SHISA9: variants seen among roughly 807,000 people sequenced by gnomAD.
The protein encoded by SHISA9 is shisa family member 9, also known as protein shisa-9.
In SHISA9, 13 loss-of-function variants were observed where a neutral mutation model predicts 38.0. That is an observed-to-expected ratio of 0.34 (90% CI 0.22 to 0.54). SHISA9 has a LOEUF of 0.54. SHISA9 is among the 20% of genes least tolerant of loss of function. SHISA9 has a pLI of 0.91. For missense variants in SHISA9, 538 were observed against 575.8 expected, an observed-to-expected ratio of 0.93 and a Z score of 0.67; for synonymous variants, 275 against 242.0, an observed-to-expected ratio of 1.14 and a Z score of -1.27.
At chr16:13,085,891 A>T (rs1384518964) in intron 2 of SHISA9, among the ~76,000 whole-genome samples, 1 of 152,330 alleles carries the variant, frequency 6.6e-6, no homozygotes, top group East Asian at 1.9e-4. Flanking sequence ...TGTCTCAAGA[A>T]CTTGAAACAA....
chr16:13,351,950 A>G, the SHISA9 span, among the ~76,000 whole-genome samples: 2 of 152,192 alleles, frequency 1.3e-5, no homozygotes, highest in African/African-American at 4.8e-5. Flanking sequence ...AGAGGGAGAA[A>G]TGACAACAGG....
chr16:13,501,742 C>G, the SHISA9 span, among the ~76,000 whole-genome samples: 1 of 152,114 alleles, frequency 6.6e-6, no homozygotes, highest in Non-Finnish European at 1.5e-5. Flanking sequence ...GTGGCTCAAG[C>G]CTATAATCCC....
At chr16:13,253,239 G>A in the SHISA9 span, among the ~76,000 whole-genome samples, 10 of 152,138 alleles carry the variant, frequency 6.6e-5, no homozygotes, top group South Asian at 2.1e-4. Flanking sequence ...TGGAATAGTC[G>A]AAAGTTATAT....
chr16:13,410,500 A>G, the SHISA9 span, among the ~76,000 whole-genome samples: 2 of 152,304 alleles, frequency 1.3e-5, no homozygotes, highest in Middle Eastern at 3.4e-3. Context: ...GGAAACAAAG[A>G]TGTCATTTTG....
intron 2 of SHISA9, among the ~76,000 whole-genome samples, chr16:12,939,147 A>G (rs962213872): frequency 2.6e-5 from 4 of 151,822 alleles, no homozygotes; most frequent in African/African-American, 9.7e-5. Context: ...GCAGTGGCAC[A>G]ATCTTGGCTC....
chr16:13,545,779 A>G, the SHISA9 span, among the ~76,000 whole-genome samples: 1 of 152,066 alleles, frequency 6.6e-6, no homozygotes, highest in Admixed American at 6.6e-5. Context: ...ACTCTCCATG[A>G]TGGCACCACA....
At chr16:13,457,725 A>T in the SHISA9 span, among the ~76,000 whole-genome samples, 1 of 151,972 alleles carries the variant, frequency 6.6e-6, no homozygotes, top group Non-Finnish European at 1.5e-5. Flanking sequence ...CAACAAACAC[A>T]GTCCCCAGAA....
chr16:13,290,975 C>G, the SHISA9 span, among the ~76,000 whole-genome samples: 4 of 152,164 alleles, frequency 2.6e-5, no homozygotes, highest in Admixed American at 2.0e-4. Context: ...CTCACAGCAG[C>G]TGTCTTCTTT....
At chr16:13,278,615 G>T in the SHISA9 span, among the ~76,000 whole-genome samples, 5 of 151,926 alleles carry the variant, frequency 3.3e-5, no homozygotes, top group South Asian at 2.1e-4. Flanking sequence ...TCTGTTCAGG[G>T]TATCTAATTC....
rs979875761 is a variant in SHISA9 at position 12,957,550 on chromosome 16, A to G, written c.691+40735A>G. ...ATAAGGACACTAATCCCATTCACAA[A>G]TGCTTCACACCTTTATGACATCATC... On this transcript the variant is annotated intron_variant, in intron 2 of 4. Coordinates refer to ENST00000558583, the MANE Select transcript of SHISA9 (RefSeq NM_001145204.3). 3.3e-5 allele frequency among the ~76,000 whole-genome samples: 5 copies of G among 152,110 alleles called. No individual in the cohort carries two copies. In the East Asian group the frequency reaches 9.7e-4, roughly 29 times the overall value.
At chr16:13,321,230 A>G in the SHISA9 span, among the ~76,000 whole-genome samples, 2 of 152,216 alleles carry the variant, frequency 1.3e-5, no homozygotes, top group Non-Finnish European at 2.9e-5. Context: ...GGTATGTTAC[A>G]CTAGCAGACT....
At chr16:13,484,664 G>A in the SHISA9 span, among the ~76,000 whole-genome samples, 2 of 152,348 alleles carry the variant, frequency 1.3e-5, no homozygotes, top group South Asian at 4.1e-4. Context: ...GGCTCACAGT[G>A]TGGCAGGTTG....
chr16:13,323,054 T>C, the SHISA9 span, among the ~76,000 whole-genome samples: 75 of 152,220 alleles, frequency 4.9e-4, no homozygotes, highest in Non-Finnish European at 8.5e-4. Flanking sequence ...TCAGGTTGTT[T>C]AGGTTCAACC....
chr16:13,056,495 T>C (rs531429438), intron 2 of SHISA9, among the ~76,000 whole-genome samples: 1 of 152,272 alleles, frequency 6.6e-6, no homozygotes, highest in East Asian at 1.9e-4. Context: ...TAGACCAGTG[T>C]TAGGTATGGG....
chr16:13,036,213 A>G (rs1361585661), intron 2 of SHISA9, among the ~76,000 whole-genome samples: 1 of 152,242 alleles, frequency 6.6e-6, no homozygotes, highest in African/African-American at 2.4e-5. Context: ...CTTTATTTGT[A>G]ATAGCTCCAA....
chr16:13,110,919 G>T (rs1242218690), intron 2 of SHISA9, among the ~76,000 whole-genome samples: 5 of 152,176 alleles, frequency 3.3e-5, no homozygotes, highest in Non-Finnish European at 5.9e-5. Context: ...TTAGTACGTG[G>T]CTTCTAAGAT....
the SHISA9 span, among the ~76,000 whole-genome samples, chr16:13,265,574 C>T: frequency 7.5e-6 from 1 of 133,202 alleles, no homozygotes. Flanking sequence ...CTACCTTCAC[C>T]CCCTCCTCTT....
the SHISA9 span, among the ~76,000 whole-genome samples, chr16:13,526,445 G>A: frequency 3.3e-5 from 5 of 152,108 alleles, no homozygotes; most frequent in African/African-American, 9.7e-5. Flanking sequence ...GTGCAGTGGC[G>A]TGATCTCAGC....
At chr16:13,457,697 C>T in the SHISA9 span, among the ~76,000 whole-genome samples, 1 of 151,818 alleles carries the variant, frequency 6.6e-6, no homozygotes, top group Non-Finnish European at 1.5e-5. Flanking sequence ...AGTTTCTTTG[C>T]ACTGGCTACT....
Sources: gnomAD v4.1 joint callset for allele counts (sites outside exome capture counted in the v4.1 genomes callset) on GRCh38, gnomAD v4.1.1 for gene constraint, MANE v1.5 for transcripts, NCBI Gene and HGNC (gene_info 2026-07-23, HGNC 2026-07-21) for gene names.